ZAP70: variants seen among roughly 807,000 people sequenced by gnomAD.
ZAP70 encodes the protein zeta chain of T cell receptor associated protein kinase 70.
In ZAP70, 27 loss-of-function variants were observed where a neutral mutation model predicts 65.8. The ratio of observed to expected loss-of-function variants is 0.41; its 90% CI spans 0.30 to 0.57. ZAP70 has a LOEUF of 0.57. Among genes scored for constraint, ZAP70 ranks in the 20% least tolerant of loss-of-function variants. The pLI is 0.28. For missense variants in ZAP70, 696 were observed against 870.5 expected, an observed-to-expected ratio of 0.80 and a Z score of 2.52; for synonymous variants, 363 against 360.8, an observed-to-expected ratio of 1.01 and a Z score of -0.07.
Position 97,724,239 on chromosome 2 carries a change from C to T in ZAP70, c.203C>T (p.Thr68Ile), listed in dbSNP as rs1467042851. 1.2e-6 allele frequency: 2 copies of T among 1,604,390 alleles called. No individual in the cohort carries two copies. The highest frequency in any genetic ancestry group is 2.7e-5 in the African/African-American group (2 of 74,842). The change falls in exon 3 of 14, where the codon ACC becomes ATC. Residue 68 changes from threonine (T) to isoleucine (I), a missense_variant. Thr to Ile is a moderately conservative substitution (Grantham distance 89). Coordinates refer to ENST00000264972, the MANE Select transcript of ZAP70 (RefSeq NM_001079.4). ...HFPIERQLNG[T>I]YAIAGGKAHC... ...CCCATCGAGCGCCAGCTCAACGGCA[C>T]CTACGCCATTGCCGGCGGCAAAGCG...
At position 97,737,501 on chromosome 2, in the gene ZAP70, G is replaced by A. The variant is rs201906752; in HGVS notation, c.1318G>A (p.Glu440Lys). 24 of 1,613,958 alleles carry A rather than the reference G, an allele frequency of 1.5e-5. No homozygotes were observed. The highest frequency in any genetic ancestry group is 1.8e-5 in the Non-Finnish European group (21 of 1,179,972). ...GGAGATCCCTGTGAGCAATGTGGCCGAGCTGCTGCACCAGGTGTCCATGGG... is the reference window on the plus strand; with the variant it reads ...GGAGATCCCTGTGAGCAATGTGGCCAAGCTGCTGCACCAGGTGTCCATGGG... ...REEIPVSNVA[E>K]LLHQVSMGMK... Residue 440 changes from glutamate (E) to lysine (K), a missense_variant, in exon 11 of 14, where the codon GAG (glutamate) becomes AAG (lysine). Coordinates refer to ENST00000264972, the MANE Select transcript of ZAP70 (RefSeq NM_001079.4). The surrounding 1 kb of genome is among the most constrained non-coding windows in gnomAD (Gnocchi z 5.0).
At chr2:97,745,239 A>G in the ZAP70 span, among the ~76,000 whole-genome samples, 1 of 152,186 alleles carries the variant, frequency 6.6e-6, no homozygotes, top group African/African-American at 2.4e-5. Context: ...GGGTTTCACC[A>G]TGTTGGCCAG....
intron 8 of ZAP70, 98 bp from the exon 9 acceptor site, chr2:97,734,422 G>T: frequency 1.4e-6 from 2 of 1,480,310 alleles, no homozygotes; most frequent in Non-Finnish European, 9.0e-7. Flanking sequence ...CTCCAGGGAC[G>T]GCACCCTTGT....
chr2:97,734,746 C>T (rs1256273879), intron 9 of ZAP70, 34 bp downstream of exon 9: 12 of 1,610,334 alleles, frequency 7.5e-6, no homozygotes, highest in African/African-American at 1.3e-5. Context: ...GGAGCACCGC[C>T]GCCTGGGGCA....
rs200334904 is a variant in ZAP70 at position 97,735,451 on chromosome 2, C to G, written c.1284C>G (p.Gly428=). ...GGGPLHKFLV[G]KREEIPVSNV... is the part of the protein sequence containing the mutation. The stretch of plus-strand genomic sequence containing the variant: ...GGCCGCTGCACAAGTTCCTGGTCGG[C>G]AAGAGGTGAGCACCGGGTGGGCCCG... Residue 428 remains glycine, a synonymous_variant, in exon 10 of 14, where the codon GGC becomes GGG. Transcript: ENST00000264972. 31 of 1,605,600 alleles carry G rather than the reference C, an allele frequency of 1.9e-5. 1 individual carries two copies. Among genetic ancestry groups the G allele is most frequent in the Non-Finnish European group, 2.6e-5 (31 of 1,174,944 alleles).
intron 2 of ZAP70, among the ~76,000 whole-genome samples, chr2:97,720,525 G>A (rs1677117929): frequency 6.6e-6 from 1 of 152,042 alleles, no homozygotes; most frequent in African/African-American, 2.4e-5. Flanking sequence ...ATTAATTTTT[G>A]TATCTTAATG....
Position 97,734,565 on chromosome 2 carries a change from C to A in ZAP70, c.935C>A (p.Thr312Lys). ...AAACCGCGGCCGATGCCCATGGACA[C>A]GAGCGTGTATGAGAGCCCCTACAGC... ...PDKPRPMPMD[T>K]SVYESPYSDP... is the part of the protein sequence containing the mutation. Residue 312 changes from threonine to lysine, a missense_variant, in exon 9 of 14, where the codon ACG becomes AAG. By Grantham distance (78) the Thr-to-Lys change is moderately conservative (BLOSUM62 -1). Transcript: ENST00000264972. The A allele has an allele frequency of 5.6e-6, 9 of 1,614,160 alleles. No homozygotes were observed. Among genetic ancestry groups the A allele is most frequent in the South Asian group, 1.1e-5 (1 of 91,088 alleles).
Position 97,738,121 on chromosome 2 carries a change from G to A in ZAP70, c.1736+14G>A. 6.3e-7 allele frequency: 1 copy of A among 1,584,758 alleles called. No individual in the cohort carries two copies. ...CTGGATCTACAAGTGAGTGCCAGTG[G>A]GGAGGGGACCCGGCTGGGCTGACCC... On this transcript the variant is annotated intron_variant, in intron 13 of 13. Transcript: ENST00000264972.
the ZAP70 span, chr2:97,756,285 G>GA: frequency 8.5e-5 from 13 of 152,246 alleles, no homozygotes; most frequent in African/African-American, 2.4e-4. Context: ...TTTGGTGTGA[G>GA]AAAATCCTAA....
the ZAP70 span, among the ~76,000 whole-genome samples, chr2:97,748,472 G>A: frequency 6.6e-6 from 1 of 152,156 alleles, no homozygotes; most frequent in Non-Finnish European, 1.5e-5. Context: ...TGGCTATGAA[G>A]AGTCCGTTCT....
At chr2:97,752,266 CAG>C in the ZAP70 span, among the ~76,000 whole-genome samples, 1 of 152,194 alleles carries the variant, frequency 6.6e-6, no homozygotes, top group African/African-American at 2.4e-5. Flanking sequence ...ATTTCATTCA[CAG>C]GGGGATGTTT....
At chr2:97,724,991 T>C (rs1677322679) in intron 3 of ZAP70, 101 bp from the exon 4 acceptor site, 1 of 1,570,996 alleles carries the variant, frequency 6.4e-7, no homozygotes, top group East Asian at 2.3e-5. Context: ...TAGGGACGCC[T>C]GGGTGGGGTG....
chr2:97,732,553 G>T (rs1367677343), intron 4 of ZAP70: 1 of 438,386 alleles, frequency 2.3e-6, no homozygotes, highest in Admixed American at 3.6e-5. Flanking sequence ...GGGACCAGGT[G>T]TTCCCCAGTG....
rs147942458 is a variant in ZAP70 at position 97,738,798 on chromosome 2, G to A, written c.1737-577G>A. 1.4e-3 allele frequency among the ~76,000 whole-genome samples: 219 copies of A among 151,992 alleles called. 1 individual carries two copies. The highest frequency in any genetic ancestry group is 5.0e-3 in the African/African-American group (208 of 41,428). On this transcript the variant is annotated intron_variant, in intron 13 of 13. Coordinates refer to ENST00000264972, the MANE Select transcript of ZAP70 (RefSeq NM_001079.4). ...GCTGGCCCACCCTCCTGCGACATGT[G>A]TTAATTCCACCTCCATCAGGAAACA...
intron 4 of ZAP70, 72 bp from the exon 5 acceptor site, chr2:97,732,811 C>T (rs910965642): frequency 4.0e-5 from 64 of 1,598,410 alleles, no homozygotes; most frequent in Non-Finnish European, 4.4e-5. Context: ...GGGTGTGTTG[C>T]GGGGGAACCG....
intron 2 of ZAP70, among the ~76,000 whole-genome samples, chr2:97,714,271 G>T (rs1488537601): frequency 1.3e-5 from 2 of 152,204 alleles, no homozygotes; most frequent in Non-Finnish European, 2.9e-5. Flanking sequence ...GCTGGGCCCT[G>T]TTTGGCTGCA....
intron 3 of ZAP70, chr2:97,724,795 A>C (rs1350678522): frequency 1.3e-6 from 2 of 1,505,054 alleles, no homozygotes; most frequent in East Asian, 5.3e-5. Flanking sequence ...CTGTTGGGGA[A>C]GATGGGCAGT....
At chr2:97,719,671 G>T (rs575271515) in intron 2 of ZAP70, among the ~76,000 whole-genome samples, 109 of 152,104 alleles carry the variant, frequency 7.2e-4, no homozygotes, top group African/African-American at 2.2e-3. Flanking sequence ...AGTGTCCATT[G>T]TGTCTGTATC....
the ZAP70 span, among the ~76,000 whole-genome samples, chr2:97,749,230 C>T: frequency 1.3e-5 from 2 of 152,026 alleles, no homozygotes; most frequent in African/African-American, 2.4e-5. Context: ...AGGATGGTCT[C>T]GATCTCCTGA....
Sources: gnomAD v4.1 joint callset for allele counts (sites outside exome capture counted in the v4.1 genomes callset) on GRCh38, gnomAD v4.1.1 for gene constraint, Gnocchi (gnomAD v3.1) non-coding constraint, MANE v1.5 for transcripts, NCBI Gene and HGNC (gene_info 2026-07-23, HGNC 2026-07-21) for gene names.